Variants in RANBP2 observed in about 807,000 individuals in gnomAD.
RANBP2 encodes the protein E3 SUMO-protein ligase RanBP2.
In RANBP2, 57 loss-of-function variants were observed where a neutral mutation model predicts 303.6. That is an observed-to-expected ratio of 0.19 (90% confidence interval 0.15 to 0.23). The LOEUF is 0.23. Ranked by LOEUF, RANBP2 falls within the 10% of genes least tolerant of loss-of-function variation. The probability of loss-of-function intolerance (pLI) is 1.00; values close to 1 mark genes in which losing one functional copy is unlikely to be tolerated. For synonymous variants in RANBP2, 1,167 were observed against 1,301.5 expected, an observed-to-expected ratio of 0.90 and a Z score of 2.23; for missense variants, 3,138 against 3,780.8, an observed-to-expected ratio of 0.83 and a Z score of 4.46.
At chr2:108,945,406 C>G in the RANBP2 span, among the ~76,000 whole-genome samples, 1 of 152,130 alleles carries the variant, frequency 6.6e-6, no homozygotes, top group African/African-American at 2.4e-5. Flanking sequence ...CTAGAGTATG[C>G]TGGTACTAAA....
At chr2:109,651,346 G>A in the RANBP2 span, among the ~76,000 whole-genome samples, 3,073 of 152,206 alleles carry the variant, frequency 0.02, 92 homozygotes, top group African/African-American at 0.071. Flanking sequence ...GCTCAAGCAA[G>A]TTCAGAAAGT....
intron 28 of RANBP2, among the ~76,000 whole-genome samples, chr2:108,783,333 TA>T (rs71381992): frequency 0.017 from 719 of 41,424 alleles, 1 homozygote; most frequent in African/African-American, 0.022. Context: ...AGCCTGTCAT[TA>T]AAAAAAAAAA....
the RANBP2 span, among the ~76,000 whole-genome samples, chr2:109,631,262 C>T: frequency 1.3e-5 from 2 of 151,848 alleles, no homozygotes; most frequent in African/African-American, 4.8e-5. Context: ...AGAGCCAGGA[C>T]TTGGACCTAC....
At chr2:109,053,802 T>C in the RANBP2 span, among the ~76,000 whole-genome samples, 1 of 152,180 alleles carries the variant, frequency 6.6e-6, no homozygotes, top group African/African-American at 2.4e-5. Flanking sequence ...TTCTCCGGCT[T>C]GAAGTCTGAA....
the RANBP2 span, among the ~76,000 whole-genome samples, chr2:109,714,765 C>T: frequency 2.0e-5 from 3 of 151,534 alleles, no homozygotes; most frequent in African/African-American, 7.3e-5. Flanking sequence ...TGTGCCACCA[C>T]CACCAGGCTA....
chr2:109,420,360 A>T, the RANBP2 span, among the ~76,000 whole-genome samples: 1 of 150,772 alleles, frequency 6.6e-6, no homozygotes, highest in Non-Finnish European at 1.5e-5. Flanking sequence ...AGTTCTGTGA[A>T]TGCAGGGTGG....
At chr2:109,448,363 G>A in the RANBP2 span, among the ~76,000 whole-genome samples, 9 of 152,166 alleles carry the variant, frequency 5.9e-5, no homozygotes, top group South Asian at 4.1e-4. Flanking sequence ...GACCAATTCC[G>A]GTCCATGGTC....
the RANBP2 span, among the ~76,000 whole-genome samples, chr2:109,231,283 G>A: frequency 8.5e-5 from 13 of 152,236 alleles, no homozygotes; most frequent in East Asian, 2.5e-3. Context: ...GGAATTGGTG[G>A]GTGGATGTGG....
the RANBP2 span, among the ~76,000 whole-genome samples, chr2:108,951,109 C>T: frequency 6.6e-6 from 1 of 152,226 alleles, no homozygotes; most frequent in Non-Finnish European, 1.5e-5. Flanking sequence ...ACTACCTGCC[C>T]TGGGAGTTTC....
chr2:109,545,151 G>A, the RANBP2 span: 1 of 985,220 alleles, frequency 1.0e-6, no homozygotes, highest in South Asian at 4.7e-5. Context: ...GAACATGGGA[G>A]CATGCAACGC....
At chr2:109,017,060 C>T in the RANBP2 span, among the ~76,000 whole-genome samples, 7 of 152,334 alleles carry the variant, frequency 4.6e-5, no homozygotes, top group East Asian at 1.2e-3. Context: ...TATAGTTGTT[C>T]TGAATGTGCT....
At position 108,784,840 on chromosome 2, in the gene RANBP2, A is replaced by C. The variant is rs1164916894; in HGVS notation, c.*939A>C. The C allele has an allele frequency of 1.5e-5, 2 of 130,092 alleles. No individual in the cohort carries two copies. The highest frequency in any genetic ancestry group is 3.5e-5 in the African/African-American group (1 of 28,606). The allele number at this position is 130,092 out of a possible 1,614,324, so 8.1% of individuals were successfully genotyped here. A position where few individuals can be genotyped will look rare whatever the true frequency, so the allele number is the denominator to read the frequency against. On this transcript the variant is annotated 3_prime_UTR_variant, in exon 29 of 29. Coordinates refer to ENST00000283195, the MANE Select transcript of RANBP2 (RefSeq NM_006267.5). The stretch of plus-strand genomic sequence containing the variant: ...TTACTTACGCTTCGGGTTCATTCTA[A>C]AGTAAGGAAGACAATTTAAAGGCAG...
chr2:109,254,256 T>C, the RANBP2 span, among the ~76,000 whole-genome samples: 1 of 152,118 alleles, frequency 6.6e-6, no homozygotes, highest in Admixed American at 6.5e-5. Context: ...ATCAATATGT[T>C]TTTCTAGAGT....
the RANBP2 span, among the ~76,000 whole-genome samples, chr2:109,447,149 A>T: frequency 5.2e-5 from 5 of 96,172 alleles, no homozygotes; most frequent in East Asian, 1.3e-3. Context: ...TGAATATTTA[A>T]AAAAAAAAAA....
At chr2:109,235,641 T>G in the RANBP2 span, among the ~76,000 whole-genome samples, 2 of 152,206 alleles carry the variant, frequency 1.3e-5, no homozygotes, top group Non-Finnish European at 2.9e-5. Flanking sequence ...TTTTGCTGTT[T>G]TTTGGTGTCA....
chr2:109,324,253 G>A, the RANBP2 span, among the ~76,000 whole-genome samples: 1 of 152,158 alleles, frequency 6.6e-6, no homozygotes, highest in Non-Finnish European at 1.5e-5. Context: ...ACCATCACAG[G>A]TAGTGCCCTG....
the RANBP2 span, among the ~76,000 whole-genome samples, chr2:109,740,024 G>A: frequency 6.7e-6 from 1 of 148,506 alleles, no homozygotes; most frequent in African/African-American, 2.5e-5. Context: ...GTCTCACTCT[G>A]TCGCCAGGCT....
At chr2:108,880,782 T>A in the RANBP2 span, among the ~76,000 whole-genome samples, 1 of 152,186 alleles carries the variant, frequency 6.6e-6, no homozygotes, top group Non-Finnish European at 1.5e-5. Context: ...ACATTACCAC[T>A]TACTAACAGT....
chr2:109,077,694 T>C, the RANBP2 span, among the ~76,000 whole-genome samples: 1 of 150,290 alleles, frequency 6.7e-6, no homozygotes, highest in South Asian at 2.1e-4. Context: ...AAATGTCCAA[T>C]AGGTATATGA....
Sources: gnomAD v4.1 joint callset for allele counts (sites outside exome capture counted in the v4.1 genomes callset) on GRCh38, gnomAD v4.1.1 for gene constraint, MANE v1.5 for transcripts, NCBI Gene and HGNC (gene_info 2026-07-23, HGNC 2026-07-21) for gene names.